The following MS4A10 variants were observed in gnomAD, a reference collection of about 807,000 sequenced individuals.
MS4A10 encodes membrane spanning 4-domains A10, also known as membrane-spanning 4-domains subfamily A member 10.
In MS4A10, 27 loss-of-function variants were observed where a neutral mutation model predicts 27.7. The observed-to-expected ratio is 0.98, with a 90% confidence interval of 0.72 to 1.35. The LOEUF (loss-of-function observed/expected upper bound fraction) is 1.35. Ranked by LOEUF, MS4A10 falls within the 40% of genes most tolerant of loss-of-function variation. MS4A10 has a pLI of 0.00. For synonymous variants in MS4A10, 139 were observed against 131.2 expected (o/e 1.06, Z -0.41); for missense variants, 338 against 324.7 (o/e 1.04, Z -0.32).
chr11:60,793,806 G>A (rs2134753217), intron 4 of MS4A10, among the ~76,000 whole-genome samples, 166 bp from the exon 5 acceptor site: 1 of 152,320 alleles, frequency 6.6e-6, no homozygotes, highest in East Asian at 1.9e-4. Context: ...GCTCAATCCT[G>A]TGTGAGGGGC....
intron 5 of MS4A10, among the ~76,000 whole-genome samples, chr11:60,795,353 G>A (rs958166550): frequency 6.6e-6 from 1 of 152,164 alleles, no homozygotes; most frequent in Admixed American, 6.5e-5. Flanking sequence ...GCCAGGCATT[G>A]AGTGTAGGGC....
At position 60,796,670 on chromosome 11, in the gene MS4A10, G is replaced by A. The variant is rs187242523; in HGVS notation, c.603+1005G>A. ...GAGAGGTCACATCACTTCTCAAGGC[G>A]AAGCAGCCAATTAGGAAATCCAGGA... On this transcript the variant is annotated intron_variant, in intron 6 of 7. Transcript: ENST00000308287. Among the ~76,000 whole-genome samples, 111 of 152,200 alleles carry A rather than the reference G, an allele frequency of 7.3e-4. 2 individuals are homozygous for A. The highest frequency in any genetic ancestry group is 3.9e-3 in the Admixed American group (59 of 15,298).
intron 1 of MS4A10, among the ~76,000 whole-genome samples, chr11:60,786,897 T>G (rs1854349165): frequency 6.6e-6 from 1 of 152,154 alleles, no homozygotes; most frequent in Non-Finnish European, 1.5e-5. Context: ...GAGACTCAGA[T>G]GCTGAGATGT....
Position 60,798,466 on chromosome 11 carries a change from C to T in MS4A10, c.674C>T (p.Ser225Phe). Residue 225 changes from serine to phenylalanine, a missense_variant, in exon 7 of 8, where the codon TCC (serine) becomes TTC (phenylalanine). By Grantham distance (155) the Ser-to-Phe change is radical. Coordinates refer to ENST00000308287, the MANE Select transcript of MS4A10 (RefSeq NM_206893.4). ...LKGLPVEPPP[S>F]YQSVIQGDAQ... ...GGCCTGCCGGTGGAGCCCCCGCCAT[C>T]CTACCAGAGTGTGATTCAAGGCGAC... 1 of 1,614,100 alleles carries T rather than the reference C, an allele frequency of 6.2e-7. No individual in the cohort carries two copies. The highest frequency in any genetic ancestry group is 8.5e-7 in the Non-Finnish European group (1 of 1,179,998).
At chr11:60,795,706 G>A (rs1854518012) in intron 6 of MS4A10, 41 bp downstream of exon 6, 1 of 1,341,376 alleles carries the variant, frequency 7.5e-7, no homozygotes, top group Non-Finnish European at 1.0e-6. Flanking sequence ...CAAAAAATGG[G>A]GGCATGAGGC....
chr11:60,798,282 C>T, intron 6 of MS4A10, 114 bp from the exon 7 acceptor site: 1 of 797,006 alleles, frequency 1.3e-6, no homozygotes, highest in Non-Finnish European at 2.1e-6. Context: ...CCTCAGTTTC[C>T]CCACATTCAT....
intron 3 of MS4A10, among the ~76,000 whole-genome samples, chr11:60,791,531 G>A (rs1016494397): frequency 2.6e-5 from 4 of 152,178 alleles, no homozygotes; most frequent in Non-Finnish European, 5.9e-5. Context: ...AGCCAGGATG[G>A]GAGATGACAC....
rs1854608314 is a variant in MS4A10 at position 60,800,123 on chromosome 11, A to G, written c.*214A>G. Reference sequence around the variant, plus strand: ...TGGCTCGATATCTGTGGTGGCCCAGATTGTTTTGTTTTGTTTCGCTTTGTT... The same window carrying G: ...TGGCTCGATATCTGTGGTGGCCCAGGTTGTTTTGTTTTGTTTCGCTTTGTT... On this transcript the variant is annotated 3_prime_UTR_variant, in exon 8 of 8. Transcript: ENST00000308287. 3 of 634,056 alleles carry G rather than the reference A, an allele frequency of 4.7e-6. No homozygotes were observed. The highest frequency in any genetic ancestry group is 7.9e-6 in the Non-Finnish European group (3 of 378,912). The allele number at this position is 634,056 out of a possible 1,614,324, so 39.3% of individuals were successfully genotyped here.
rs1854603937 is a variant in MS4A10 at position 60,799,899 on chromosome 11, C to G, written c.794C>G (p.Thr265Ser). The change falls in exon 8 of 8, where the codon ACT becomes AGT. Residue 265 changes from threonine (T) to serine (S), a missense_variant. By Grantham distance (58) the Thr-to-Ser change is moderately conservative (BLOSUM62 1). Coordinates refer to ENST00000308287, the MANE Select transcript of MS4A10 (RefSeq NM_206893.4). Reference sequence around the variant, plus strand: ...GACGGAGCTGCGATCTGGACCCAGACTGCAAACTGAAGAGCCACTGCCTGA... The same window carrying G: ...GACGGAGCTGCGATCTGGACCCAGAGTGCAAACTGAAGAGCCACTGCCTGA... ...VTDGAAIWTQ[T>S]AN The G allele has an allele frequency of 1.9e-6, 3 of 1,614,206 alleles. No individual in the cohort carries two copies. The African/African-American group carries it at 4.0e-5, about 22-fold the overall frequency.
intron 6 of MS4A10, among the ~76,000 whole-genome samples, chr11:60,797,331 A>C (rs4939458): frequency 6.6e-6 from 1 of 152,142 alleles, no homozygotes; most frequent in Non-Finnish European, 1.5e-5. Context: ...GTAGTAAATT[A>C]TCACAAATTT....
intron 1 of MS4A10, among the ~76,000 whole-genome samples, chr11:60,786,162 T>C (rs1310905259): frequency 1.4e-5 from 2 of 141,476 alleles, no homozygotes; most frequent in African/African-American, 5.7e-5. Context: ...TGCACATGCA[T>C]GCACACACAT....
At chr11:60,794,521 C>A (rs1211791174) in intron 5 of MS4A10, among the ~76,000 whole-genome samples, 1 of 152,232 alleles carries the variant, frequency 6.6e-6, no homozygotes, top group African/African-American at 2.4e-5. Flanking sequence ...TTACCCTCAT[C>A]TTCTGGGAGT....
At chr11:60,788,060 G>A (rs566467438) in intron 1 of MS4A10, among the ~76,000 whole-genome samples, 2 of 149,874 alleles carry the variant, frequency 1.3e-5, no homozygotes, top group Non-Finnish European at 2.9e-5. Flanking sequence ...AAATAATAAA[G>A]ATTATATGGC....
intron 6 of MS4A10, among the ~76,000 whole-genome samples, chr11:60,795,982 G>A (rs1166050808): frequency 6.6e-5 from 10 of 152,132 alleles, no homozygotes; most frequent in African/African-American, 1.4e-4. Flanking sequence ...CATGATGACC[G>A]GGCAGGATTC....
intron 3 of MS4A10, 33 bp from the exon 4 acceptor site, chr11:60,792,232 T>A (rs1403868996): frequency 1.3e-6 from 2 of 1,591,658 alleles, no homozygotes; most frequent in African/African-American, 2.7e-5. Flanking sequence ...GAACCCCAGC[T>A]TCTCTCCTTT....
chr11:60,799,690 T>A (rs1854598921), intron 7 of MS4A10, 138 bp from the exon 8 acceptor site: 2 of 641,968 alleles, frequency 3.1e-6, no homozygotes, highest in Non-Finnish European at 5.8e-6. Context: ...CCCAGGTATT[T>A]GCAGAGCTCA....
In MS4A10 at chr11:60,792,301, A is replaced by G. The variant is rs1854444351; in HGVS notation, c.340A>G (p.Thr114Ala). The G allele has an allele frequency of 1.2e-6, 2 of 1,612,976 alleles. No homozygotes were observed. The highest frequency in any genetic ancestry group is 1.7e-6 in the Non-Finnish European group (2 of 1,179,026). ...ISGILAITMK[T>A]FSKTYLKMLC... ...AGGGATCTTGGCGATAACAATGAAGACCTTTTCTAAAACTTACCTGGTGAG... is the reference window on the plus strand; with the variant it reads ...AGGGATCTTGGCGATAACAATGAAGGCCTTTTCTAAAACTTACCTGGTGAG... The change falls in exon 4 of 8, where the codon ACC (threonine) becomes GCC (alanine). Residue 114 changes from threonine (T) to alanine (A), a missense_variant. By Grantham distance (58) the Thr-to-Ala change is moderately conservative. Transcript: ENST00000308287.
At chr11:60,787,829 C>A (rs1854365646) in intron 1 of MS4A10, among the ~76,000 whole-genome samples, 1 of 152,028 alleles carries the variant, frequency 6.6e-6, no homozygotes, top group Non-Finnish European at 1.5e-5. Flanking sequence ...ACCAGCCTGA[C>A]CAACATGAAG....
rs201007021 is a variant in MS4A10, at chr11:60,788,053, T to TA, written c.-22-2259dup. On this transcript the variant is annotated intron_variant, in intron 1 of 7. Transcript: ENST00000308287. ...ATAAATAAATAAATAAATAAATAAATAATAAAGATTATATGGCCAATTAAG... is the reference window on the plus strand; with the variant it reads ...ATAAATAAATAAATAAATAAATAAATAAATAAAGATTATATGGCCAATTAAG... Among the ~76,000 whole-genome samples the TA allele has an allele frequency of 3.1e-3, 473 of 151,340 alleles. 1 individual carries two copies. Among genetic ancestry groups the TA allele is most frequent in the African/African-American group, 0.011 (454 of 41,234 alleles).
Sources: allele counts gnomAD v4.1 joint callset (sites outside exome capture counted in the v4.1 genomes callset), GRCh38; gene constraint gnomAD v4.1.1; transcripts MANE v1.5; gene names NCBI Gene and HGNC (gene_info 2026-07-23, HGNC 2026-07-21).